LAPTM5: variants seen among roughly 807,000 people sequenced by gnomAD.
LAPTM5 encodes lysosomal-associated transmembrane protein 5.
In LAPTM5, 11 loss-of-function variants were observed where a neutral mutation model predicts 30.1. That is an observed-to-expected ratio of 0.37 (90% CI 0.23 to 0.60). LAPTM5 has a LOEUF of 0.60. Among genes scored for constraint, LAPTM5 ranks in the 20% least tolerant of loss-of-function variants. The probability of loss-of-function intolerance (pLI) is 0.71; values close to 1 mark genes in which losing one functional copy is unlikely to be tolerated. For missense variants in LAPTM5, 324 were observed against 332.5 expected (o/e 0.97, Z 0.20); for synonymous variants, 151 against 137.9 (o/e 1.10, Z -0.67).
intron 1 of LAPTM5, among the ~76,000 whole-genome samples, chr1:30,751,564 C>T (rs1482497200): frequency 1.3e-5 from 2 of 152,210 alleles, no homozygotes; most frequent in African/African-American, 4.8e-5. Context: ...CATGGTGAAA[C>T]CCCATCTCTC....
At chr1:30,743,319 A>G (rs540836362) in intron 1 of LAPTM5, among the ~76,000 whole-genome samples, 2 of 152,344 alleles carry the variant, frequency 1.3e-5, no homozygotes, top group South Asian at 4.1e-4. Context: ...GAATGAATGA[A>G]TGAATGAACA....
chr1:30,757,552 A>G (rs888119104), intron 1 of LAPTM5, 107 bp downstream of exon 1: 15 of 1,144,374 alleles, frequency 1.3e-5, no homozygotes, highest in Non-Finnish European at 1.9e-5. Flanking sequence ...AGAGAGGTGG[A>G]GAGCAGGAGT....
At chr1:30,743,799 T>TC (rs1315344422) in intron 1 of LAPTM5, among the ~76,000 whole-genome samples, 6 of 146,432 alleles carry the variant, frequency 4.1e-5, no homozygotes, top group Non-Finnish European at 7.5e-5. Flanking sequence ...GTGTGGGTTT[T>TC]TTTTTTTTTT....
chr1:30,734,284 T>G (rs547482715), intron 7 of LAPTM5, among the ~76,000 whole-genome samples: 4 of 152,154 alleles, frequency 2.6e-5, no homozygotes, highest in Non-Finnish European at 5.9e-5. Context: ...CTGGCTATAG[T>G]CCTTGGTTTG....
chr1:30,748,849 A>G (rs1234169223), intron 1 of LAPTM5, among the ~76,000 whole-genome samples: 1 of 152,230 alleles, frequency 6.6e-6, no homozygotes, highest in African/African-American at 2.4e-5. Flanking sequence ...TGAGAACCCC[A>G]GTGCAGCCGC....
intron 1 of LAPTM5, among the ~76,000 whole-genome samples, chr1:30,756,337 T>C (rs549128710): frequency 6.6e-6 from 1 of 152,288 alleles, no homozygotes; most frequent in African/African-American, 2.4e-5. Flanking sequence ...ACAACTTGAC[T>C]CCAAGGATGC....
intron 3 of LAPTM5, among the ~76,000 whole-genome samples, chr1:30,741,101 C>T (rs1390662534): frequency 6.6e-6 from 1 of 152,238 alleles, no homozygotes; most frequent in Non-Finnish European, 1.5e-5. Flanking sequence ...TCACACTAGA[C>T]TGTCCCTGTC....
chr1:30,755,060 C>A (rs1431704751), intron 1 of LAPTM5, among the ~76,000 whole-genome samples: 1 of 152,196 alleles, frequency 6.6e-6, no homozygotes, highest in East Asian at 1.9e-4. Flanking sequence ...GATAACCCCC[C>A]ACTGGAGTCA....
At chr1:30,736,632 T>G (rs1639889032) in intron 6 of LAPTM5, among the ~76,000 whole-genome samples, 1 of 151,972 alleles carries the variant, frequency 6.6e-6, no homozygotes, top group Non-Finnish European at 1.5e-5. Context: ...GACAGAATCT[T>G]GCTATGTTGC....
Position 30,733,549 on chromosome 1 carries a change from A to G in LAPTM5, c.*279T>C, listed in dbSNP as rs1304963287. ...AAACTCACCAACTTTAGAATGGCCA[A>G]TCGTCTAAACAAGTGTCAGAGCTGA... is the stretch of plus-strand genomic sequence containing the variant. On this transcript the variant is annotated 3_prime_UTR_variant, in exon 8 of 8. Coordinates refer to ENST00000294507, the MANE Select transcript of LAPTM5 (RefSeq NM_006762.3). 7.4e-6 allele frequency: 11 copies of G among 1,483,060 alleles called. No individual in the cohort carries two copies. The highest frequency in any genetic ancestry group is 2.8e-5 in the East Asian group (1 of 36,162). The allele number at this position is 1,483,060 out of a possible 1,614,324, so 91.9% of individuals were successfully genotyped here. A position where few individuals can be genotyped will look rare whatever the true frequency, so the allele number is the denominator to read the frequency against.
chr1:30,747,960 A>AGGATGGTGATAAGGAATATCATGT (rs1640072080), intron 1 of LAPTM5, among the ~76,000 whole-genome samples: 1 of 152,048 alleles, frequency 6.6e-6, no homozygotes, highest in African/African-American at 2.4e-5. Flanking sequence ...ACATCAGGAT[A>AGGATGGTGATAAGGAATATCATGT]GGATGGTGAT....
intron 3 of LAPTM5, among the ~76,000 whole-genome samples, chr1:30,740,869 C>A (rs1308097039): frequency 6.6e-6 from 1 of 152,154 alleles, no homozygotes; most frequent in Non-Finnish European, 1.5e-5. Flanking sequence ...AAACCAGCAC[C>A]AAATCATCGC....
intron 1 of LAPTM5, among the ~76,000 whole-genome samples, chr1:30,747,879 G>A (rs1018945221): frequency 1.3e-5 from 2 of 152,146 alleles, no homozygotes; most frequent in East Asian, 1.9e-4. Context: ...GAGTTGGCGT[G>A]GTGATGACAG....
At position 30,742,567 on chromosome 1, in the gene LAPTM5, C is replaced by A; in HGVS notation, c.88-18G>T. On this transcript the variant is annotated intron_variant, in intron 1 of 7. Coordinates refer to ENST00000294507, the MANE Select transcript of LAPTM5 (RefSeq NM_006762.3). ...CTCATGATCTGGAGGCAAAGCAAAGCATCAGTCAGCTGAGCCTGCATCACG... is the reference window on the plus strand; with the variant it reads ...CTCATGATCTGGAGGCAAAGCAAAGAATCAGTCAGCTGAGCCTGCATCACG... 2 of 1,602,562 alleles carry A rather than the reference C, an allele frequency of 1.2e-6. No homozygotes were observed. Among genetic ancestry groups the A allele is most frequent in the Non-Finnish European group, 1.7e-6 (2 of 1,172,126 alleles).
intron 1 of LAPTM5, 61 bp from the exon 2 acceptor site, chr1:30,742,610 TC>T: frequency 7.3e-7 from 1 of 1,377,068 alleles, no homozygotes; most frequent in Non-Finnish European, 1.0e-6. Flanking sequence ...GACCAGCCCC[TC>T]CCACCTTAGT....
At chr1:30,752,990 T>G (rs1354154320) in intron 1 of LAPTM5, among the ~76,000 whole-genome samples, 1 of 151,746 alleles carries the variant, frequency 6.6e-6, no homozygotes, top group Non-Finnish European at 1.5e-5. Context: ...GTATTTTTAG[T>G]AAAGACAGGG....
At chr1:30,735,512 C>T (rs1022259545) in intron 6 of LAPTM5, among the ~76,000 whole-genome samples, 4 of 152,232 alleles carry the variant, frequency 2.6e-5, no homozygotes, top group Non-Finnish European at 5.9e-5. Context: ...CTAGCCCACC[C>T]TCCAATTTCC....
chr1:30,737,268 A>G (rs1639898516), intron 6 of LAPTM5, among the ~76,000 whole-genome samples: 6 of 152,238 alleles, frequency 3.9e-5, no homozygotes, highest in Admixed American at 3.9e-4. Flanking sequence ...CCTGAGGCCC[A>G]GAGAGAAGTG....
chr1:30,741,347 C>T (rs1464774972), intron 3 of LAPTM5, among the ~76,000 whole-genome samples: 3 of 152,208 alleles, frequency 2.0e-5, no homozygotes, highest in Admixed American at 1.3e-4. Context: ...TTCCACCTGC[C>T]GTTTAAAAGG....
Sources: gnomAD v4.1 joint callset for allele counts (sites outside exome capture counted in the v4.1 genomes callset) on GRCh38, gnomAD v4.1.1 for gene constraint, MANE v1.5 for transcripts, NCBI Gene and HGNC (gene_info 2026-07-23, HGNC 2026-07-21) for gene names.